The following LRBA variants were observed in gnomAD, a reference collection of about 807,000 sequenced individuals.
LRBA encodes lipopolysaccharide-responsive and beige-like anchor protein.
LRBA carries 176 observed loss-of-function variants against 330.0 expected under a neutral mutation model. The ratio of observed to expected loss-of-function variants is 0.53; its 90% CI spans 0.47 to 0.60. LRBA has a LOEUF of 0.60. LRBA is among the 20% of genes least tolerant of loss of function. The pLI is 0.00. For missense variants in LRBA, 3,259 were observed against 3,444.8 expected (o/e 0.95, Z 1.35); for synonymous variants, 1,230 against 1,193.0 (o/e 1.03, Z -0.64).
At chr4:150,417,486 T>C (rs1581248155) in intron 46 of LRBA, among the ~76,000 whole-genome samples, 1 of 152,154 alleles carries the variant, frequency 6.6e-6, no homozygotes, top group East Asian at 1.9e-4. Flanking sequence ...TCATTGACAA[T>C]CAAAAGCAGC....
At chr4:150,861,714 T>A (rs1459791881) in intron 22 of LRBA, among the ~76,000 whole-genome samples, 1 of 152,148 alleles carries the variant, frequency 6.6e-6, no homozygotes, top group Non-Finnish European at 1.5e-5. Context: ...GAAATTAACC[T>A]CAGCTTACTG....
chr4:150,477,794 T>G (rs1756881816), intron 42 of LRBA, among the ~76,000 whole-genome samples: 1 of 152,054 alleles, frequency 6.6e-6, no homozygotes, highest in African/African-American at 2.4e-5. Flanking sequence ...TCCTGCCATA[T>G]AAGATATGTC....
At chr4:150,721,439 TA>T in intron 36 of LRBA, 1 of 296,416 alleles carries the variant, frequency 3.4e-6, no homozygotes. Context: ...AGGTCTATAA[TA>T]AAGAAAACCC....
At chr4:150,795,755 T>C (rs1325822054) in intron 34 of LRBA, among the ~76,000 whole-genome samples, 1 of 151,978 alleles carries the variant, frequency 6.6e-6, no homozygotes, top group East Asian at 1.9e-4. Flanking sequence ...AAATATATAG[T>C]GATCTGTTTG....
intron 37 of LRBA, among the ~76,000 whole-genome samples, chr4:150,681,077 T>A (rs1005845698): frequency 3.3e-5 from 5 of 152,222 alleles, no homozygotes; most frequent in Admixed American, 3.3e-4. Context: ...TTAGATAAAA[T>A]GCAAAGAAAT....
rs1758292706 is a variant in LRBA, at chr4:150,489,055, AAGAAT to A, written c.6449-1226_6449-1222del. Among the ~76,000 whole-genome samples the A allele has an allele frequency of 6.2e-5, 5 of 81,172 alleles. 1 individual carries two copies. In the South Asian group the frequency reaches 2.2e-3, roughly 36 times the overall value. The allele number at this position is 81,172 out of a possible 152,430, so 53.3% of individuals were successfully genotyped here. On this transcript the variant is annotated intron_variant, in intron 41 of 56. Coordinates refer to ENST00000651943, the MANE Select transcript of LRBA (RefSeq NM_001364905.1). ...ATATTATATATAATATATTATATAT[AAGAAT>A]ATATAATATATTATATATAATATTA... is the stretch of plus-strand genomic sequence containing the variant.
intron 44 of LRBA, among the ~76,000 whole-genome samples, chr4:150,441,066 A>G (rs1041393203): frequency 6.6e-6 from 1 of 152,116 alleles, no homozygotes; most frequent in Non-Finnish European, 1.5e-5. Context: ...GCTAGTTAAC[A>G]AAATCCCTGC....
chr4:150,788,819 A>G (rs1387859043), intron 34 of LRBA, among the ~76,000 whole-genome samples: 1 of 151,104 alleles, frequency 6.6e-6, no homozygotes, highest in Non-Finnish European at 1.5e-5. Flanking sequence ...TCACGCCTAT[A>G]ATCCCAGCAC....
At chr4:150,474,821 G>A (rs2152072735) in intron 42 of LRBA, among the ~76,000 whole-genome samples, 1 of 151,944 alleles carries the variant, frequency 6.6e-6, no homozygotes, top group South Asian at 2.1e-4. Context: ...CCAGTGTAAC[G>A]CTGAATAGAA....
intron 37 of LRBA, among the ~76,000 whole-genome samples, chr4:150,606,068 G>A (rs1774593525): frequency 6.6e-6 from 1 of 152,090 alleles, no homozygotes; most frequent in African/African-American, 2.4e-5. Context: ...TTCAATGTAT[G>A]TCTGTATTTG....
intron 37 of LRBA, among the ~76,000 whole-genome samples, chr4:150,621,773 T>C (rs1776314267): frequency 6.6e-6 from 1 of 152,244 alleles, no homozygotes; most frequent in Admixed American, 6.5e-5. Context: ...AATTTTTACT[T>C]TCCTATTATG....
At chr4:150,809,904 CGATACGATACG>C (rs1560850192) in intron 31 of LRBA, among the ~76,000 whole-genome samples, 7 of 151,278 alleles carry the variant, frequency 4.6e-5, no homozygotes, top group Non-Finnish European at 8.8e-5. Flanking sequence ...CGATACGATA[CGATACGATACG>C]ATACGATACG....
At chr4:150,597,127 A>G (rs1368008764) in intron 38 of LRBA, 1 of 1,350,526 alleles carries the variant, frequency 7.4e-7, no homozygotes, top group Non-Finnish European at 1.0e-6. Flanking sequence ...TAAAACATAG[A>G]TAATTAACAT....
Position 150,828,327 on chromosome 4 carries a change from T to A in LRBA, c.5024A>T (p.Asn1675Ile). The change falls in exon 30 of 57, where the codon AAC (asparagine) becomes ATC (isoleucine). Residue 1675 changes from asparagine to isoleucine, a missense_variant. Transcript: ENST00000651943. ...TCGGAGAATGTCTTTCACATTGACG[T>A]TTTTTGAAACTGAAACTGACGGTGT... ...KATPSVSVSK[N>I]VNVKDILRSL... 6.2e-7 allele frequency: 1 copy of A among 1,614,146 alleles called. No homozygotes were observed. The highest frequency in any genetic ancestry group is 8.5e-7 in the Non-Finnish European group (1 of 1,180,002).
At chr4:150,868,347 A>G (rs939554262) in intron 20 of LRBA, 42 bp from the exon 21 acceptor site, 52 of 1,467,602 alleles carry the variant, frequency 3.5e-5, no homozygotes, top group Non-Finnish European at 4.1e-5. Flanking sequence ...AAACTCAACA[A>G]AAAACTCATG....
At chr4:150,654,785 C>A (rs1214600295) in intron 37 of LRBA, among the ~76,000 whole-genome samples, 1 of 152,058 alleles carries the variant, frequency 6.6e-6, no homozygotes, top group Non-Finnish European at 1.5e-5. Context: ...TGAGTGAGAA[C>A]ATGCGGTGTT....
At chr4:150,853,111 C>T (rs1750806126) in intron 22 of LRBA, among the ~76,000 whole-genome samples, 168 bp from the exon 23 acceptor site, 1 of 152,036 alleles carries the variant, frequency 6.6e-6, no homozygotes, top group South Asian at 2.1e-4. Context: ...TCACAGAAAT[C>T]TAAATATTCA....
intron 37 of LRBA, among the ~76,000 whole-genome samples, chr4:150,599,905 T>C (rs190388467): frequency 6.6e-4 from 101 of 152,306 alleles, no homozygotes; most frequent in African/African-American, 2.2e-3. Flanking sequence ...TGTTTTTATA[T>C]TTAATTAAAA....
intron 2 of LRBA, among the ~76,000 whole-genome samples, chr4:150,964,340 G>A (rs1444479696): frequency 6.7e-6 from 1 of 149,824 alleles, no homozygotes; most frequent in Non-Finnish European, 1.5e-5. Context: ...ACAGCTCATT[G>A]AGAACGGGCC....
Sources: allele counts gnomAD v4.1 joint callset (sites outside exome capture counted in the v4.1 genomes callset), GRCh38; gene constraint gnomAD v4.1.1; transcripts MANE v1.5; gene names NCBI Gene and HGNC (gene_info 2026-07-23, HGNC 2026-07-21).